SEZ6L2: variants seen among roughly 807,000 people sequenced by gnomAD.
SEZ6L2 encodes seizure related 6 homolog like 2.
Under a neutral mutation model 97.0 loss-of-function variants are expected in SEZ6L2, and 44 were observed. The observed-to-expected ratio is 0.45, with a 90% confidence interval of 0.36 to 0.58. The LOEUF (loss-of-function observed/expected upper bound fraction) is 0.58, where lower values mean the gene tolerates loss of function less well. Among genes scored for constraint, SEZ6L2 ranks in the 20% least tolerant of loss-of-function variants. The pLI, the probability that SEZ6L2 is intolerant of heterozygous loss-of-function variation, is 0.00. For missense variants in SEZ6L2, 1,086 were observed against 1,233.3 expected (o/e 0.88, Z 1.79); for synonymous variants, 543 against 546.1 (o/e 0.99, Z 0.08).
chr16:29,887,540 C>G (rs886497792), intron 7 of SEZ6L2, 109 bp downstream of exon 7: 74 of 1,003,924 alleles, frequency 7.4e-5, no homozygotes, highest in Non-Finnish European at 1.0e-4. Flanking sequence ...ACTCGATCTC[C>G]TGACCTTGTG....
At chr16:29,897,543 TTCTC>T (rs1310108370) in intron 2 of SEZ6L2, among the ~76,000 whole-genome samples, 2 of 152,158 alleles carry the variant, frequency 1.3e-5, no homozygotes, top group East Asian at 3.8e-4. Flanking sequence ...TTGTGTTTCA[TTCTC>T]TCTGTCTCTG....
chr16:29,872,834 C>T (rs1382540226), intron 14 of SEZ6L2, 91 bp from the exon 15 acceptor site: 2 of 1,055,762 alleles, frequency 1.9e-6, no homozygotes, highest in Admixed American at 2.2e-5. Flanking sequence ...CTGGGCTGGA[C>T]AGCCTGGTTC....
intron 8 of SEZ6L2, among the ~76,000 whole-genome samples, chr16:29,880,644 C>A (rs970492680): frequency 1.3e-5 from 2 of 151,060 alleles, no homozygotes; most frequent in African/African-American, 4.9e-5. Context: ...TTAGTAGAGA[C>A]AGGGGTTTCA....
intron 7 of SEZ6L2, 44 bp downstream of exon 7, chr16:29,887,605 C>A: frequency 6.6e-7 from 1 of 1,513,108 alleles, no homozygotes; most frequent in East Asian, 2.4e-5. Flanking sequence ...AGCCACCATG[C>A]CCGGCCAAGG....
At position 29,889,978 on chromosome 16, in the gene SEZ6L2, G is replaced by A. The variant is rs565884963; in HGVS notation, c.854-1253C>T. 3.3e-5 allele frequency among the ~76,000 whole-genome samples: 5 copies of A among 151,284 alleles called. No individual in the cohort carries two copies. The East Asian group carries it at 7.8e-4, about 24-fold the overall frequency. On this transcript the variant is annotated intron_variant, in intron 5 of 17. Transcript: ENST00000617533. ...GGCTGGAGTGCATTGGCGCAATCTC[G>A]GCTCACTGCAACCTCCGTCTCCCGG...
chr16:29,890,673 CAACAGTTACTTGTTCTCT>C (rs1236433811), intron 5 of SEZ6L2, among the ~76,000 whole-genome samples: 3 of 151,802 alleles, frequency 2.0e-5, no homozygotes, highest in African/African-American at 7.3e-5. Flanking sequence ...TACATCTCTC[CAACAGTTACTTGTTCTCT>C]TACCTGTACA....
chr16:29,886,027 G>C (rs1254405243), intron 7 of SEZ6L2: 4 of 287,430 alleles, frequency 1.4e-5, no homozygotes, highest in Non-Finnish European at 2.6e-5. Context: ...GCAGGGCTGA[G>C]ATACCAAGTT....
chr16:29,887,591 C>G (rs1286971065), intron 7 of SEZ6L2, 58 bp downstream of exon 7: 2 of 1,495,286 alleles, frequency 1.3e-6, no homozygotes, highest in African/African-American at 1.4e-5. Context: ...GGATTACAGG[C>G]ATGAGCCACC....
chr16:29,874,355 G>A (rs2067852927), intron 12 of SEZ6L2, among the ~76,000 whole-genome samples: 1 of 151,876 alleles, frequency 6.6e-6, no homozygotes, highest in Admixed American at 6.6e-5. Context: ...TTTAGAGGGG[G>A]CCCAGCTCTC....
Position 29,896,966 on chromosome 16 carries a change from G to A in SEZ6L2, c.367C>T (p.Leu123=). The A allele has an allele frequency of 6.3e-7, 1 of 1,593,808 alleles. No individual in the cohort carries two copies. The highest frequency in any genetic ancestry group is 8.5e-7 in the Non-Finnish European group (1 of 1,171,924). ...GCTGTGGTTCCTGGGGGCGGGGTCA[G>A]CAGTTCTGGCGCAGTGGGGCCTGCC... ...RGAGPTAPEL[L]TPPPGTTAPP... Residue 123 remains leucine, a synonymous_variant, in exon 3 of 18, where the codon CTG becomes TTG. Transcript: ENST00000617533.
rs2067907314 is a variant in SEZ6L2 at position 29,876,537 on chromosome 16, C to G, written c.2104+219G>C. Among the ~76,000 whole-genome samples, 1 of 151,222 alleles carries G rather than the reference C, an allele frequency of 6.6e-6. No individual in the cohort carries two copies. The highest frequency in any genetic ancestry group is 2.4e-5 in the African/African-American group (1 of 41,080). Reference sequence around the variant, plus strand: ...CGGTGCAAGAAAGAGGGATGCAGCCCGGAGAAGATGAGAGGGAGACCCAGA... The same window carrying G: ...CGGTGCAAGAAAGAGGGATGCAGCCGGGAGAAGATGAGAGGGAGACCCAGA... On this transcript the variant is annotated intron_variant, in intron 12 of 17. Transcript: ENST00000617533. The surrounding 1 kb of genome is among the most constrained non-coding windows in gnomAD (Gnocchi z 6.5).
intron 3 of SEZ6L2, among the ~76,000 whole-genome samples, chr16:29,896,469 G>C (rs894578642): frequency 2.6e-5 from 4 of 152,078 alleles, no homozygotes; most frequent in African/African-American, 9.7e-5. Context: ...AGTAGAGACA[G>C]GGTTTCTCCA....
chr16:29,874,522 A>ACAAATATAAT (rs2067856555), intron 12 of SEZ6L2, among the ~76,000 whole-genome samples: 1 of 144,278 alleles, frequency 6.9e-6, no homozygotes, highest in South Asian at 2.2e-4. Flanking sequence ...TGTTTTACAA[A>ACAAATATAAT]CAAATATAAT....
chr16:29,871,787 G>A (rs1433829545), intron 17 of SEZ6L2, 59 bp from the exon 18 acceptor site: 39 of 1,509,794 alleles, frequency 2.6e-5, no homozygotes, highest in Non-Finnish European at 3.0e-5. Context: ...AGAGGCAGCC[G>A]AATGGGAGGA....
chr16:29,888,739 A>G lies in SEZ6L2; in HGVS notation c.854-14T>C, dbSNP rs1450437644. On this transcript the variant is annotated splice_polypyrimidine_tract_variant and intron_variant, in intron 5 of 17. Transcript: ENST00000617533. ...TCAGGAGGTAGGCTGCACCAGACAG[A>G]CAGCGGGTAGCAGGGCTCACTTTCC... 6.2e-7 allele frequency: 1 copy of G among 1,603,282 alleles called. No homozygotes were observed. The highest frequency in any genetic ancestry group is 2.2e-5 in the East Asian group (1 of 44,736).
intron 7 of SEZ6L2, among the ~76,000 whole-genome samples, 174 bp downstream of exon 7, chr16:29,887,467 ATTTTTTTT>A (rs397855963): frequency 7.7e-6 from 1 of 130,490 alleles, no homozygotes; most frequent in Non-Finnish European, 1.6e-5. Flanking sequence ...TGCCCGGCTA[ATTTTTTTT>A]TTTTTTTTTT....
At chr16:29,880,317 C>A (rs2150789604) in intron 8 of SEZ6L2, among the ~76,000 whole-genome samples, 1 of 151,006 alleles carries the variant, frequency 6.6e-6, no homozygotes, top group Non-Finnish European at 1.5e-5. Flanking sequence ...CGTGCACCAC[C>A]ATGCCCAGCT....
intron 8 of SEZ6L2, among the ~76,000 whole-genome samples, chr16:29,882,577 CAAAA>C (rs201664178): frequency 6.6e-5 from 6 of 91,522 alleles, no homozygotes; most frequent in Admixed American, 1.2e-4. Context: ...AACTCCATCT[CAAAA>C]AAAAAAAAAA....
intron 7 of SEZ6L2, among the ~76,000 whole-genome samples, chr16:29,886,769 T>C (rs1256478032): frequency 6.6e-6 from 1 of 152,078 alleles, no homozygotes; most frequent in African/African-American, 2.4e-5. Context: ...ATTTCAGCAC[T>C]TATCCTCACA....
Sources: gnomAD v4.1 joint callset for allele counts (sites outside exome capture counted in the v4.1 genomes callset) on GRCh38, gnomAD v4.1.1 for gene constraint, Gnocchi (gnomAD v3.1) non-coding constraint, MANE v1.5 for transcripts, NCBI Gene and HGNC (gene_info 2026-07-23, HGNC 2026-07-21) for gene names.